The following NALCN variants were observed in gnomAD, a reference collection of about 807,000 sequenced individuals.
NALCN encodes sodium leak channel NALCN.
NALCN carries 111 observed loss-of-function variants against 225.3 expected under a neutral mutation model. The ratio of observed to expected loss-of-function variants is 0.49; its 90% CI spans 0.42 to 0.58. The LOEUF is 0.58. Ranked by LOEUF, NALCN falls within the 20% of genes least tolerant of loss-of-function variation. The pLI is 0.00. For missense variants in NALCN, 1,378 were observed against 2,202.4 expected, an observed-to-expected ratio of 0.63 and a Z score of 7.49; for synonymous variants, 764 against 769.0, an observed-to-expected ratio of 0.99 and a Z score of 0.11.
At chr13:101,353,005 C>T in intron 6 of NALCN, among the ~76,000 whole-genome samples, 1 of 152,142 alleles carries the variant, frequency 6.6e-6, no homozygotes, top group Non-Finnish European at 1.5e-5. Flanking sequence ...CCACATGCAA[C>T]AGATAACACT....
At position 101,390,804 on chromosome 13, in the gene NALCN, G is replaced by C. The variant is rs1287130985; in HGVS notation, c.291+4379C>G. The stretch of plus-strand genomic sequence containing the variant: ...ATGAAAATGTGAGACAAACACCTTC[G>C]AAAAGTTAGAAACAGACCCATAAAG... On this transcript the variant is annotated intron_variant, in intron 3 of 43. Coordinates refer to ENST00000251127, the MANE Select transcript of NALCN (RefSeq NM_052867.4). 3.3e-5 allele frequency among the ~76,000 whole-genome samples: 5 copies of C among 149,766 alleles called. No individual in the cohort carries two copies. In the East Asian group the frequency reaches 1.0e-3, roughly 30 times the overall value.
At chr13:101,100,049 C>T (rs1021940680) in intron 27 of NALCN, among the ~76,000 whole-genome samples, 3 of 152,010 alleles carry the variant, frequency 2.0e-5, no homozygotes, top group East Asian at 1.9e-4. Context: ...AAAGAAACGC[C>T]GTAGTGCAAG....
At chr13:101,171,216 A>G (rs2038697158) in intron 15 of NALCN, among the ~76,000 whole-genome samples, 1 of 150,066 alleles carries the variant, frequency 6.7e-6, no homozygotes, top group African/African-American at 2.4e-5. Flanking sequence ...TAAAAAATAT[A>G]ATTTTTATAT....
intron 15 of NALCN, among the ~76,000 whole-genome samples, chr13:101,148,936 C>T (rs867526266): frequency 3.7e-4 from 24 of 65,588 alleles, no homozygotes; most frequent in African/African-American, 1.1e-3. Context: ...ACTCCTGTGT[C>T]GTTTAACCTG....
intron 15 of NALCN, among the ~76,000 whole-genome samples, chr13:101,155,745 G>A (rs1416091394): frequency 2.0e-5 from 3 of 152,076 alleles, no homozygotes; most frequent in African/African-American, 7.2e-5. Flanking sequence ...AGAATTTGTG[G>A]GTGGATGTTA....
chr13:101,402,125 G>A (rs770362480), intron 1 of NALCN, among the ~76,000 whole-genome samples: 3 of 152,132 alleles, frequency 2.0e-5, no homozygotes, highest in Admixed American at 6.5e-5. Flanking sequence ...CTGTGTATCT[G>A]AGCCTTATCA....
chr13:101,120,040 T>C (rs1016135113), intron 18 of NALCN, among the ~76,000 whole-genome samples: 7 of 152,198 alleles, frequency 4.6e-5, no homozygotes, highest in Non-Finnish European at 8.8e-5. Context: ...TGATTATACA[T>C]AGAAATGGGT....
At chr13:101,187,057 C>A (rs375872337) in intron 14 of NALCN, among the ~76,000 whole-genome samples, 11 of 152,256 alleles carry the variant, frequency 7.2e-5, no homozygotes, top group Admixed American at 6.5e-4. Context: ...TAGGCCCCCC[C>A]CTTATCCACT....
intron 1 of NALCN, among the ~76,000 whole-genome samples, chr13:101,411,929 C>A (rs1281835704): frequency 6.6e-6 from 1 of 152,016 alleles, no homozygotes; most frequent in African/African-American, 2.4e-5. Context: ...TTTTTCAGGA[C>A]TACAGATTTT....
intron 14 of NALCN, among the ~76,000 whole-genome samples, chr13:101,179,047 A>C (rs1162154562): frequency 6.6e-6 from 1 of 152,194 alleles, no homozygotes; most frequent in Non-Finnish European, 1.5e-5. Flanking sequence ...TATTCTATTA[A>C]ATTTGACAAA....
intron 15 of NALCN, among the ~76,000 whole-genome samples, chr13:101,158,130 G>GT (rs906905757): frequency 1.6e-4 from 24 of 152,058 alleles, no homozygotes; most frequent in African/African-American, 5.3e-4. Context: ...GGAGCAGAAG[G>GT]TATTATCTTA....
chr13:101,373,322 C>T (rs911856276), intron 6 of NALCN, among the ~76,000 whole-genome samples: 2 of 152,012 alleles, frequency 1.3e-5, no homozygotes, highest in East Asian at 3.8e-4. Context: ...ACAGCATTAC[C>T]CGGATTTCAA....
At chr13:101,192,089 C>A in intron 13 of NALCN, 35 bp from the exon 14 acceptor site, 1 of 1,566,962 alleles carries the variant, frequency 6.4e-7, no homozygotes, top group Non-Finnish European at 8.6e-7. Flanking sequence ...TACACACTAG[C>A]TTTAGGCTTG....
intron 13 of NALCN, among the ~76,000 whole-genome samples, chr13:101,199,873 T>C (rs370666951): frequency 2.2e-4 from 33 of 152,122 alleles, no homozygotes; most frequent in African/African-American, 7.5e-4. Flanking sequence ...CAAGCATCTT[T>C]CAGTCACCAA....
intron 40 of NALCN, among the ~76,000 whole-genome samples, chr13:101,063,813 A>G (rs770030798): frequency 6.7e-6 from 1 of 149,874 alleles, no homozygotes; most frequent in Non-Finnish European, 1.5e-5. Context: ...TATCCCACAC[A>G]CTCCTTGTAG....
chr13:101,331,379 T>A (rs1243540361), intron 7 of NALCN, among the ~76,000 whole-genome samples: 2 of 152,072 alleles, frequency 1.3e-5, no homozygotes, highest in Non-Finnish European at 2.9e-5. Flanking sequence ...AAATATTAGG[T>A]ATAAAAATTA....
intron 10 of NALCN, among the ~76,000 whole-genome samples, chr13:101,279,119 T>C (rs2043062838): frequency 6.6e-6 from 1 of 152,164 alleles, no homozygotes; most frequent in Non-Finnish European, 1.5e-5. Flanking sequence ...CATCAACAAC[T>C]AATTATATCC....
chr13:101,185,113 G>A (rs543168728), intron 14 of NALCN, among the ~76,000 whole-genome samples: 5 of 152,162 alleles, frequency 3.3e-5, no homozygotes, highest in Non-Finnish European at 5.9e-5. Flanking sequence ...CTGTCTTGCC[G>A]CCTGTGGTAT....
chr13:101,386,965 T>TCA (rs2047005182), intron 3 of NALCN, among the ~76,000 whole-genome samples: 1 of 152,024 alleles, frequency 6.6e-6, no homozygotes, highest in Non-Finnish European at 1.5e-5. Flanking sequence ...CTCACGCCTG[T>TCA]AATCCCAGCA....
Sources: gnomAD v4.1 joint callset for allele counts (sites outside exome capture counted in the v4.1 genomes callset) on GRCh38, gnomAD v4.1.1 for gene constraint, MANE v1.5 for transcripts, NCBI Gene and HGNC (gene_info 2026-07-23, HGNC 2026-07-21) for gene names.